The following EPHB3 variants were observed in gnomAD, a reference collection of about 807,000 sequenced individuals.
EPHB3 encodes the protein ephrin type-B receptor 3.
Under a neutral mutation model 100.2 loss-of-function variants are expected in EPHB3, and 33 were observed. The ratio of observed to expected loss-of-function variants is 0.33; its 90% confidence interval spans 0.25 to 0.44. The LOEUF is 0.44. Ranked by LOEUF, EPHB3 falls within the 20% of genes least tolerant of loss-of-function variation. The pLI is 1.00. For synonymous variants in EPHB3, 526 were observed against 554.7 expected, an observed-to-expected ratio of 0.95 and a Z score of 0.73; for missense variants, 1,045 against 1,378.3, an observed-to-expected ratio of 0.76 and a Z score of 3.83.
At position 184,573,249 on chromosome 3, in the gene EPHB3, C is replaced by T. The variant is rs541457406; in HGVS notation, c.856+73C>T. ...CACAGCTACCTACCGCCCCGCCCCCCACCCCTGCTTGCTATCTGACTAGGA... is the reference window on the plus strand; with the variant it reads ...CACAGCTACCTACCGCCCCGCCCCCTACCCCTGCTTGCTATCTGACTAGGA... On this transcript the variant is annotated intron_variant, in intron 3 of 15. Transcript: ENST00000330394. The surrounding 1 kb of genome is among the most constrained non-coding windows in gnomAD (Gnocchi z 4.5). The T allele has an allele frequency of 5.1e-6, 8 of 1,574,036 alleles. No individual in the cohort carries two copies. The highest frequency in any genetic ancestry group is 1.7e-5 in the Admixed American group (1 of 57,588).
chr3:184,579,660 T>G lies in EPHB3; in HGVS notation c.1925-27T>G. The G allele has an allele frequency of 6.2e-7, 1 of 1,606,402 alleles. No individual in the cohort carries two copies. The highest frequency in any genetic ancestry group is 8.5e-7 in the Non-Finnish European group (1 of 1,175,368). ...GAGGCGGGCTGGGTACAGGAGTGAG[T>G]CATAGCTTGTGCCCTGTGCCCTGCA... On this transcript the variant is annotated intron_variant, in intron 10 of 15. Transcript: ENST00000330394. The surrounding 1 kb of genome is among the most constrained non-coding windows in gnomAD (Gnocchi z 5.2).
At chr3:184,570,751 G>A (rs916235227) in intron 1 of EPHB3, among the ~76,000 whole-genome samples, 1 of 152,144 alleles carries the variant, frequency 6.6e-6, no homozygotes, top group Non-Finnish European at 1.5e-5. Flanking sequence ...TAGGTGTGTG[G>A]ACCAGCCTCT....
rs1714733651 is a variant in EPHB3 at position 184,578,313 on chromosome 3, C to T, written c.1749-101C>T. 1.3e-6 allele frequency: 2 copies of T among 1,539,946 alleles called. No homozygotes were observed. Among genetic ancestry groups the T allele is most frequent in the Non-Finnish European group, 1.8e-6 (2 of 1,123,618 alleles). ...TTGTGGGACTAGGCCCCAGGCCATC[C>T]CCTGTATCCTCTCCGCCCCTTCTGT... On this transcript the variant is annotated intron_variant, in intron 8 of 15. Coordinates refer to ENST00000330394, the MANE Select transcript of EPHB3 (RefSeq NM_004443.4). The surrounding 1 kb of genome is among the most constrained non-coding windows in gnomAD (Gnocchi z 4.7).
intron 3 of EPHB3, chr3:184,575,237 C>T (rs1714642122): frequency 1.0e-6 from 1 of 985,174 alleles, no homozygotes; most frequent in South Asian, 4.7e-5. Context: ...CTCTGAACTC[C>T]AGGTGACCCC....
rs559770608 is a variant in EPHB3 at position 184,578,848 on chromosome 3, C to A, written c.1801+382C>A. ...GGAGGTGGACTTGAGCTGAGCCAGG[C>A]GGGATGAGCAGGGTGTTGGGAGGTG... is the stretch of plus-strand genomic sequence containing the variant. On this transcript the variant is annotated intron_variant, in intron 9 of 15. Transcript: ENST00000330394. This position sits in a 1 kb window ranked among gnomAD's most constrained non-coding sequence, Gnocchi z 4.7. Among the ~76,000 whole-genome samples the A allele has an allele frequency of 6.6e-6, 1 of 151,938 alleles. No homozygotes were observed. The highest frequency in any genetic ancestry group is 1.5e-5 in the Non-Finnish European group (1 of 68,002).
In EPHB3 at chr3:184,561,938, C is replaced by T. The variant is rs746239681; in HGVS notation, c.-298C>T. The T allele has an allele frequency of 2.7e-4, 43 of 156,612 alleles. No individual in the cohort carries two copies. The highest frequency in any genetic ancestry group is 5.9e-4 in the Non-Finnish European group (42 of 71,302). The allele number at this position is 156,612 out of a possible 1,614,324, so 9.7% of individuals were successfully genotyped here. On this transcript the variant is annotated 5_prime_UTR_variant, in exon 1 of 16. Coordinates refer to ENST00000330394, the MANE Select transcript of EPHB3 (RefSeq NM_004443.4). ...GACCACCTGCACCCTCCTGCCCCGG[C>T]CCGCCCCCCAAGTCCTCAGGCACCC...
rs779216599 is a variant in EPHB3, at chr3:184,577,136, C to T, written c.1307C>T (p.Pro436Leu). ...GTCAACGGTGTCTCGGGCAAGAGCC[C>T]TCTGCCGCCTCGTTATGCGGCCGTG... ...QAVNGVSGKS[P>L]LPPRYAAVNI... is the part of the protein sequence containing the mutation. The change falls in exon 5 of 16, where the codon CCT (proline) becomes CTT (leucine). Residue 436 changes from proline to leucine, a missense_variant. Physicochemically the swap from Pro to Leu is moderately conservative, Grantham distance 98 (BLOSUM62 -3). This residue lies in a region of EPHB3 where 985 missense variants were observed against 1,331.1 expected (regional missense o/e 0.74). Transcript: ENST00000330394. The surrounding 1 kb of genome is among the most constrained non-coding windows in gnomAD (Gnocchi z 4.9). The T allele has an allele frequency of 6.2e-7, 1 of 1,610,156 alleles. No homozygotes were observed. Among genetic ancestry groups the T allele is most frequent in the Non-Finnish European group, 8.5e-7 (1 of 1,177,572 alleles).
In EPHB3 at chr3:184,578,038, C is replaced by G. The variant is rs762168486; in HGVS notation, c.1748+32C>G. The G allele has an allele frequency of 2.5e-6, 4 of 1,608,810 alleles. No homozygotes were observed. The East Asian group carries it at 8.9e-5, about 36-fold the overall frequency. On this transcript the variant is annotated intron_variant, in intron 8 of 15. Coordinates refer to ENST00000330394, the MANE Select transcript of EPHB3 (RefSeq NM_004443.4). This position sits in a 1 kb window ranked among gnomAD's most constrained non-coding sequence, Gnocchi z 4.7. ...CCAGGCCCACTGTTGCTCCATGGGC[C>G]GCCTCGAACTGCCCTTTAGCATCCT...
rs1349701751 is a variant in EPHB3 at position 184,565,276 on chromosome 3, C to T, written c.118+2923C>T. Among the ~76,000 whole-genome samples the T allele has an allele frequency of 1.3e-5, 2 of 152,130 alleles. No homozygotes were observed. Among genetic ancestry groups the T allele is most frequent in the Non-Finnish European group, 2.9e-5 (2 of 68,034 alleles). ...CAGGGAAACAGGGCCACCTTGTCAC[C>T]CACTGGTCTTTTGAGTAATGTTCCC... On this transcript the variant is annotated intron_variant, in intron 1 of 15. Transcript: ENST00000330394. The surrounding 1 kb of genome is among the most constrained non-coding windows in gnomAD (Gnocchi z 4.8).
At position 184,569,476 on chromosome 3, in the gene EPHB3, C is replaced by T. The variant is rs1714486085; in HGVS notation, c.119-1842C>T. 6.6e-6 allele frequency among the ~76,000 whole-genome samples: 1 copy of T among 152,146 alleles called. No individual in the cohort carries two copies. Among genetic ancestry groups the T allele is most frequent in the African/African-American group, 2.4e-5 (1 of 41,426 alleles). On this transcript the variant is annotated intron_variant, in intron 1 of 15. Coordinates refer to ENST00000330394, the MANE Select transcript of EPHB3 (RefSeq NM_004443.4). The surrounding 1 kb of genome is among the most constrained non-coding windows in gnomAD (Gnocchi z 5.4). ...CAGTCGCTGCCCCGCCCGCCTCCCT[C>T]CCCGCCTGTCTCTGTGGGCCCCGGC...
chr3:184,580,702 G>T, intron 12 of EPHB3, 27 bp from the exon 13 acceptor site: 1 of 1,612,452 alleles, frequency 6.2e-7, no homozygotes, highest in Non-Finnish European at 8.5e-7. Context: ...GAGTCACAGG[G>T]TGAAGGGCCT....
At chr3:184,570,487 A>G (rs1714511085) in intron 1 of EPHB3, among the ~76,000 whole-genome samples, 2 of 152,228 alleles carry the variant, frequency 1.3e-5, no homozygotes, top group Non-Finnish European at 2.9e-5. Flanking sequence ...GAATTGAACT[A>G]AGAGCTGGTT....
At chr3:184,568,592 AC>A (rs113185340) in intron 1 of EPHB3, among the ~76,000 whole-genome samples, 26,830 of 131,192 alleles carry the variant, frequency 0.2, 2,599 homozygotes, top group East Asian at 0.32. Flanking sequence ...GGGTTCTATG[AC>A]CCCCCCCCCA....
chr3:184,562,113 C>T lies in EPHB3; in HGVS notation c.-123C>T, dbSNP rs1028472580. ...TTGCATTCCCTCCTCTCCTGGATCT[C>T]CTGGGACCCGACGCGAGCCTGCCCC... On this transcript the variant is annotated 5_prime_UTR_variant, in exon 1 of 16. Transcript: ENST00000330394. This position sits in a 1 kb window ranked among gnomAD's most constrained non-coding sequence, Gnocchi z 4.8. 2.0e-4 allele frequency: 35 copies of T among 173,594 alleles called. No homozygotes were observed. The highest frequency in any genetic ancestry group is 1.0e-3 in the Admixed American group (16 of 16,014). 10.8% of individuals were successfully genotyped at this position (173,594 alleles called of 1,614,324 possible). A position where few individuals can be genotyped will look rare whatever the true frequency, so the allele number is the denominator to read the frequency against.
rs1023966145 is a variant in EPHB3 at position 184,563,862 on chromosome 3, G to A, written c.118+1509G>A. ...GGTACACACACACTCATACACTTAC[G>A]GGGCTATGTGTCACCTGTGTGTGTC... On this transcript the variant is annotated intron_variant, in intron 1 of 15. Coordinates refer to ENST00000330394, the MANE Select transcript of EPHB3 (RefSeq NM_004443.4). This position sits in a 1 kb window ranked among gnomAD's most constrained non-coding sequence, Gnocchi z 4.1. Among the ~76,000 whole-genome samples the A allele has an allele frequency of 2.9e-4, 44 of 152,248 alleles. No individual in the cohort carries two copies. Among genetic ancestry groups the A allele is most frequent in the African/African-American group, 9.4e-4 (39 of 41,454 alleles).
Position 184,573,248 on chromosome 3 carries a change from C to T in EPHB3, c.856+72C>T. 1 of 1,575,012 alleles carries T rather than the reference C, an allele frequency of 6.3e-7. No individual in the cohort carries two copies. The highest frequency in any genetic ancestry group is 2.3e-5 in the East Asian group (1 of 44,136). ...CCACAGCTACCTACCGCCCCGCCCC[C>T]CACCCCTGCTTGCTATCTGACTAGG... On this transcript the variant is annotated intron_variant, in intron 3 of 15. Coordinates refer to ENST00000330394, the MANE Select transcript of EPHB3 (RefSeq NM_004443.4). This position sits in a 1 kb window ranked among gnomAD's most constrained non-coding sequence, Gnocchi z 4.5.
chr3:184,563,657 C>T lies in EPHB3; in HGVS notation c.118+1304C>T, dbSNP rs1404130880. Among the ~76,000 whole-genome samples the T allele has an allele frequency of 1.3e-5, 2 of 152,194 alleles. No individual in the cohort carries two copies. The highest frequency in any genetic ancestry group is 2.9e-5 in the Non-Finnish European group (2 of 68,042). On this transcript the variant is annotated intron_variant, in intron 1 of 15. Coordinates refer to ENST00000330394, the MANE Select transcript of EPHB3 (RefSeq NM_004443.4). The surrounding 1 kb of genome is among the most constrained non-coding windows in gnomAD (Gnocchi z 4.1). ...GGACACATGCAAATTCAGACTGACA[C>T]ACCGAGGTCTCGCCCACACTCGCAC...
At position 184,578,365 on chromosome 3, in the gene EPHB3, G is replaced by A. The variant is rs752291004; in HGVS notation, c.1749-49G>A. 29 of 1,613,034 alleles carry A rather than the reference G, an allele frequency of 1.8e-5. No individual in the cohort carries two copies. Among genetic ancestry groups the A allele is most frequent in the African/African-American group, 2.7e-5 (2 of 74,904 alleles). ...AGCCCAAGGGTGCCCTGAACAAAGG[G>A]AGGCAGATGACTTGTCTCAGGCCTG... On this transcript the variant is annotated intron_variant, in intron 8 of 15. Coordinates refer to ENST00000330394, the MANE Select transcript of EPHB3 (RefSeq NM_004443.4). This position sits in a 1 kb window ranked among gnomAD's most constrained non-coding sequence, Gnocchi z 4.7.
At position 184,580,575 on chromosome 3, in the gene EPHB3, C is replaced by T. The variant is rs775751533; in HGVS notation, c.2346C>T (p.Phe782=). 2.5e-6 allele frequency: 4 copies of T among 1,614,082 alleles called. No individual in the cohort carries two copies. Among genetic ancestry groups the T allele is most frequent in the Admixed American group, 3.3e-5 (2 of 60,012 alleles). The change falls in exon 12 of 16, where the codon TTC becomes TTT. Residue 782 remains phenylalanine, a synonymous_variant. Transcript: ENST00000330394. ...CKVSDFGLSR[F]LEDDPSDPTY... is the part of the protein sequence containing the mutation. The stretch of plus-strand genomic sequence containing the variant: ...TCTCAGACTTTGGCCTCTCCCGCTT[C>T]CTGGAGGATGACCCCTCCGATCCTA...
Sources: gnomAD v4.1 joint callset for allele counts (sites outside exome capture counted in the v4.1 genomes callset) on GRCh38, gnomAD v4.1.1 for gene constraint, gnomAD v4.1.1 regional missense constraint, Gnocchi (gnomAD v3.1) non-coding constraint, MANE v1.5 for transcripts, NCBI Gene and HGNC (gene_info 2026-07-23, HGNC 2026-07-21) for gene names.